The following CCR3 variants were observed in gnomAD, a reference collection of about 807,000 sequenced individuals.
The protein encoded by CCR3 is C-C chemokine receptor type 3.
For missense variants in CCR3, 419 were observed against 437.5 expected, an observed-to-expected ratio of 0.96 and a Z score of 0.38; for synonymous variants, 203 against 179.2, an observed-to-expected ratio of 1.13 and a Z score of -1.06.
At chr3:46,225,904 G>A (rs568209682) in intron 2 of CCR3, among the ~76,000 whole-genome samples, 25 of 152,238 alleles carry the variant, frequency 1.6e-4, no homozygotes, top group East Asian at 5.8e-4. Context: ...GTTTATCTAC[G>A]AATGTACAAT....
At chr3:46,246,243 C>T (rs1300082441) in intron 1 of CCR3, among the ~76,000 whole-genome samples, 3 of 152,316 alleles carry the variant, frequency 2.0e-5, no homozygotes, top group African/African-American at 7.2e-5. Context: ...GGACACTAGG[C>T]CTGTACTGTC....
intron 1 of CCR3, among the ~76,000 whole-genome samples, chr3:46,243,240 CAT>C (rs1410529911): frequency 6.6e-6 from 1 of 151,952 alleles, no homozygotes; most frequent in Non-Finnish European, 1.5e-5. Flanking sequence ...GTGGAGTCAA[CAT>C]AGCACTTGCT....
intron 1 of CCR3, chr3:46,264,781 C>A: frequency 2.8e-6 from 1 of 360,970 alleles, no homozygotes; most frequent in Non-Finnish European, 5.0e-6. Context: ...TGCAAAATGC[C>A]GTAAGAGACA....
upstream of CCR3, among the ~76,000 whole-genome samples, chr3:46,241,164 G>GCTCTCTCTCT (rs1339831772): frequency 4.2e-5 from 2 of 47,834 alleles, no homozygotes; most frequent in Admixed American, 4.5e-4. Flanking sequence ...ACATGTGTGT[G>GCTCTCTCTCT]CGCTCTCTCT....
chr3:46,213,528 G>A (rs1402195543), intron 2 of CCR3, among the ~76,000 whole-genome samples: 1 of 152,156 alleles, frequency 6.6e-6, no homozygotes, highest in Non-Finnish European at 1.5e-5. Context: ...TACTCGGCTT[G>A]GAGGAGTTTG....
chr3:46,211,399 T>TATATATA lies in CCR3; in HGVS notation c.-68+492_-68+493insATATATA, dbSNP rs1559522130. 4.3e-4 allele frequency among the ~76,000 whole-genome samples: 54 copies of TATATATA among 126,302 alleles called. 1 individual carries two copies. The highest frequency in any genetic ancestry group is 1.4e-3 in the African/African-American group (50 of 35,938). 82.9% of individuals were successfully genotyped at this position (126,302 alleles called of 152,430 possible). A position where few individuals can be genotyped will look rare whatever the true frequency, so the allele number is the denominator to read the frequency against. ...AATATGTATATATATATATATATAT[T>TATATATA]TTTTGTAGAAATGGGTGTGTTATCA... is the stretch of plus-strand genomic sequence containing the variant. On this transcript the variant is annotated intron_variant, in intron 2 of 3. Coordinates refer to the CCR3 transcript ENST00000357422.
At chr3:46,261,732 T>C (rs187624595) in intron 1 of CCR3, among the ~76,000 whole-genome samples, 206 of 152,336 alleles carry the variant, frequency 1.4e-3, no homozygotes, top group African/African-American at 4.8e-3. Flanking sequence ...AGATCTAGTT[T>C]GTACTCTTGA....
intron 1 of CCR3, among the ~76,000 whole-genome samples, chr3:46,248,256 A>G (rs1323331048): frequency 6.6e-6 from 1 of 152,166 alleles, no homozygotes. Context: ...CAGCTGAAGG[A>G]GCCAAGGAGC....
rs540192394 is a variant in CCR3 at position 46,221,468 on chromosome 3, A to T, written c.-68+10561A>T. Among the ~76,000 whole-genome samples, 51 of 152,316 alleles carry T rather than the reference A, an allele frequency of 3.3e-4. No individual in the cohort carries two copies. In the South Asian group the frequency reaches 8.5e-3, roughly 25 times the overall value. ...CCTAGTTGTAGGGGTATTCCTGCAC[A>T]TGCAAGATGCACCCCTCACATGCCC... On this transcript the variant is annotated intron_variant, in intron 2 of 3. Coordinates refer to the CCR3 transcript ENST00000357422.
Position 46,265,490 on chromosome 3 carries a change from G to T in CCR3, c.332G>T (p.Gly111Val). Residue 111 changes from glycine to valine, a missense_variant, in exon 2 of 2, where the codon GGG (glycine) becomes GTG (valine). Physicochemically the swap from Gly to Val is moderately radical, Grantham distance 109. Transcript: ENST00000395940. ...CATGGCATGTGTAAGCTCCTCTCAGGGTTTTATCACACAGGCTTGTACAGC... is the reference window on the plus strand; with the variant it reads ...CATGGCATGTGTAAGCTCCTCTCAGTGTTTTATCACACAGGCTTGTACAGC... Reference protein sequence around the residue: ...FGHGMCKLLSGFYHTGLYSEI... With the variant: ...FGHGMCKLLSVFYHTGLYSEI... 1 of 1,614,066 alleles carries T rather than the reference G, an allele frequency of 6.2e-7. No individual in the cohort carries two copies. The highest frequency in any genetic ancestry group is 8.5e-7 in the Non-Finnish European group (1 of 1,180,006).
chr3:46,226,146 T>C (rs774071686), intron 2 of CCR3, among the ~76,000 whole-genome samples: 4 of 152,210 alleles, frequency 2.6e-5, no homozygotes, highest in Non-Finnish European at 5.9e-5. Flanking sequence ...TTCAAAATTA[T>C]TTTAGCTATT....
chr3:46,256,263 T>C (rs1239008807), intron 1 of CCR3, among the ~76,000 whole-genome samples: 1 of 152,200 alleles, frequency 6.6e-6, no homozygotes, highest in Non-Finnish European at 1.5e-5. Flanking sequence ...TTTCATTTAT[T>C]ATTACATCTG....
intron 1 of CCR3, among the ~76,000 whole-genome samples, chr3:46,244,594 C>A (rs113272172): frequency 0.051 from 7,821 of 152,048 alleles, 672 homozygotes; most frequent in African/African-American, 0.18. Flanking sequence ...AGTGGGGGAG[C>A]TTTTTGAGCC....
At chr3:46,252,169 C>CTTTTT (rs58623050) in intron 1 of CCR3, among the ~76,000 whole-genome samples, 40 of 86,870 alleles carry the variant, frequency 4.6e-4, no homozygotes, top group African/African-American at 6.0e-4. Flanking sequence ...TAGTTTCTGT[C>CTTTTT]TTTTTTTTTT....
chr3:46,224,011 G>C (rs140364242), intron 2 of CCR3, among the ~76,000 whole-genome samples: 22 of 152,212 alleles, frequency 1.4e-4, no homozygotes, highest in Non-Finnish European at 2.5e-4. Context: ...CTCAGGGAGA[G>C]CTCTTTCAAA....
At chr3:46,224,838 C>A (rs11914967) in intron 2 of CCR3, among the ~76,000 whole-genome samples, 15,099 of 151,862 alleles carry the variant, frequency 0.099, 2,331 homozygotes, top group African/African-American at 0.33. Flanking sequence ...ACTCTCACAC[C>A]ATGCTGGTGC....
chr3:46,230,806 T>C (rs1415551953), intron 2 of CCR3, among the ~76,000 whole-genome samples: 2 of 152,166 alleles, frequency 1.3e-5, no homozygotes, highest in African/African-American at 4.8e-5. Flanking sequence ...GAGGCACTTT[T>C]CCTCCACCCT....
intron 2 of CCR3, among the ~76,000 whole-genome samples, chr3:46,221,824 C>T (rs1699839774): frequency 6.6e-6 from 1 of 152,128 alleles, no homozygotes; most frequent in Admixed American, 6.5e-5. Context: ...CAAAGCAGAC[C>T]TACCCAAGAC....
chr3:46,226,737 C>G (rs566575439), intron 2 of CCR3, among the ~76,000 whole-genome samples: 1 of 152,052 alleles, frequency 6.6e-6, no homozygotes, highest in Non-Finnish European at 1.5e-5. Context: ...TAGAGGAAAA[C>G]ATTCATTCTT....
Sources: gnomAD v4.1 joint callset for allele counts (sites outside exome capture counted in the v4.1 genomes callset) on GRCh38, gnomAD v4.1.1 for gene constraint, MANE v1.5 for transcripts, NCBI Gene and HGNC (gene_info 2026-07-23, HGNC 2026-07-21) for gene names.